The following CC2D2A variants were observed in gnomAD, a reference collection of about 807,000 sequenced individuals.
CC2D2A encodes coiled-coil and C2 domain containing 2A.
Under a neutral mutation model 212.9 loss-of-function variants are expected in CC2D2A, and 155 were observed. That is an observed-to-expected ratio of 0.73 (90% confidence interval 0.64 to 0.83). CC2D2A has a LOEUF of 0.83. CC2D2A is among the 40% of genes least tolerant of loss of function. The probability of loss-of-function intolerance (pLI) is 0.00; values close to 1 mark genes in which losing one functional copy is unlikely to be tolerated. For synonymous variants in CC2D2A, 667 were observed against 686.5 expected (o/e 0.97, Z 0.44); for missense variants, 1,856 against 1,956.2 (o/e 0.95, Z 0.97).
At chr4:15,583,849 G>A (rs183730169) in intron 30 of CC2D2A, among the ~76,000 whole-genome samples, 1,756 of 152,092 alleles carry the variant, frequency 0.012, 19 homozygotes, top group Non-Finnish European at 0.019. Context: ...TACTCGGGAG[G>A]CTGAGGCAGG....
chr4:15,478,521 T>C (rs755715127), intron 2 of CC2D2A, among the ~76,000 whole-genome samples: 1 of 152,208 alleles, frequency 6.6e-6, no homozygotes, highest in Non-Finnish European at 1.5e-5. Context: ...GATGGTCCAA[T>C]ATGGATACGA....
rs1484788961 is a variant in CC2D2A, at chr4:15,502,935, C to T, written c.438+12C>T. ...AATTTGGCACAGAGGTGAGAAATAC[C>T]CTCTCTACTTTGTGATCAAAACCAG... On this transcript the variant is annotated intron_variant, in intron 6 of 36. Coordinates refer to ENST00000424120, the MANE Select transcript of CC2D2A (RefSeq NM_001378615.1). 2 of 1,573,248 alleles carry T rather than the reference C, an allele frequency of 1.3e-6. No individual in the cohort carries two copies. Among genetic ancestry groups the T allele is most frequent in the Non-Finnish European group, 1.7e-6 (2 of 1,157,140 alleles).
At chr4:15,479,249 C>T (rs1420735643) in intron 3 of CC2D2A, 2 of 1,537,210 alleles carry the variant, frequency 1.3e-6, no homozygotes, top group East Asian at 4.9e-5. Context: ...CCCGAGCCTG[C>T]TGGCAGATCC....
intron 13 of CC2D2A, among the ~76,000 whole-genome samples, chr4:15,531,712 T>G (rs1717857134): frequency 6.6e-6 from 1 of 152,188 alleles, no homozygotes; most frequent in African/African-American, 2.4e-5. Flanking sequence ...CTTCTTTAGC[T>G]CGTATGCAAA....
At chr4:15,514,618 T>A in intron 8 of CC2D2A, 89 bp from the exon 9 acceptor site, 1 of 990,318 alleles carries the variant, frequency 1.0e-6, no homozygotes, top group South Asian at 2.5e-5. Context: ...GTAGGAAATG[T>A]TAAGTTTCAT....
At chr4:15,588,568 A>G (rs1374196478) in intron 32 of CC2D2A, among the ~76,000 whole-genome samples, 3 of 152,256 alleles carry the variant, frequency 2.0e-5, no homozygotes, top group Admixed American at 6.5e-5. Context: ...AGAGGCCACA[A>G]GGCTCTAGGA....
At chr4:15,477,799 C>T (rs551557659) in intron 2 of CC2D2A, among the ~76,000 whole-genome samples, 18 of 152,262 alleles carry the variant, frequency 1.2e-4, no homozygotes, top group African/African-American at 3.6e-4. Context: ...TCTGTTATTG[C>T]GGTTCATGTC....
At chr4:15,552,155 C>T (rs781216315) in intron 18 of CC2D2A, among the ~76,000 whole-genome samples, 1 of 152,168 alleles carries the variant, frequency 6.6e-6, no homozygotes, top group Non-Finnish European at 1.5e-5. Flanking sequence ...AGCGTTTTTA[C>T]CATTAAATTC....
chr4:15,572,302 G>GATTC (rs1027498216), intron 28 of CC2D2A, among the ~76,000 whole-genome samples: 53 of 152,288 alleles, frequency 3.5e-4, no homozygotes, highest in African/African-American at 1.3e-3. Flanking sequence ...ATAGAGGTGG[G>GATTC]ATTCAACTTG....
intron 19 of CC2D2A, 129 bp from the exon 20 acceptor site, chr4:15,554,943 C>A: frequency 1.1e-6 from 1 of 896,808 alleles, no homozygotes. Context: ...CAAAATCCTT[C>A]CTTATGATAA....
Position 15,567,445 on chromosome 4 carries a change from A to C in CC2D2A, c.3251A>C (p.Tyr1084Ser). The C allele has an allele frequency of 6.2e-7, 1 of 1,613,680 alleles. No individual in the cohort carries two copies. Among genetic ancestry groups the C allele is most frequent in the African/African-American group, 1.3e-5 (1 of 75,036 alleles). ...AAGCATGCTGCTTCCCCAAGCACGTACAGCCCAACCCACAATGCTGACTAC... is the reference window on the plus strand; with the variant it reads ...AAGCATGCTGCTTCCCCAAGCACGTCCAGCCCAACCCACAATGCTGACTAC... Reference protein sequence around the residue: ...SEKHAASPSTYSPTHNADYPL... With the variant: ...SEKHAASPSTSSPTHNADYPL... Residue 1084 changes from tyrosine (Y) to serine (S), a missense_variant, in exon 25 of 37, where the codon TAC becomes TCC. Physicochemically the swap from Tyr to Ser is moderately radical, Grantham distance 144. Transcript: ENST00000424120.
chr4:15,518,125 T>C (rs1716990666), intron 11 of CC2D2A, among the ~76,000 whole-genome samples: 1 of 152,118 alleles, frequency 6.6e-6, no homozygotes, highest in African/African-American at 2.4e-5. Context: ...GTCCTCACAT[T>C]TCAAAACCAA....
intron 4 of CC2D2A, among the ~76,000 whole-genome samples, chr4:15,487,945 T>G (rs1406047012): frequency 7.9e-6 from 1 of 126,832 alleles, no homozygotes; most frequent in African/African-American, 3.2e-5. Context: ...AATTCTATAT[T>G]TTAACCCCGT....
chr4:15,470,689 CTATATATATATATATATA>C (rs199958992), intron 1 of CC2D2A, among the ~76,000 whole-genome samples: 2,409 of 50,138 alleles, frequency 0.048, 28 homozygotes, highest in East Asian at 0.11. Flanking sequence ...CTCTCTCTCT[CTATATATATATATATATA>C]TATATATATA....
intron 4 of CC2D2A, among the ~76,000 whole-genome samples, chr4:15,498,122 C>A (rs1364598256): frequency 6.6e-6 from 1 of 152,062 alleles, no homozygotes; most frequent in Non-Finnish European, 1.5e-5. Context: ...AGAGAGAGTG[C>A]AGAGAAGATC....
intron 28 of CC2D2A, among the ~76,000 whole-genome samples, chr4:15,570,897 A>G (rs1560188559): frequency 6.6e-6 from 1 of 152,168 alleles, no homozygotes; most frequent in Non-Finnish European, 1.5e-5. Flanking sequence ...CAGAAAAAAC[A>G]AAAACAAAAA....
At chr4:15,541,036 A>G (rs1718408463) in intron 17 of CC2D2A, 22 bp downstream of exon 17, 2 of 1,510,734 alleles carry the variant, frequency 1.3e-6, no homozygotes, top group African/African-American at 1.4e-5. Context: ...AATTATAGTT[A>G]CTGGCCGGGC....
intron 29 of CC2D2A, chr4:15,576,544 C>A: frequency 5.7e-6 from 1 of 174,270 alleles, no homozygotes. Flanking sequence ...TAAAGATTAT[C>A]TCTGTTACTA....
intron 29 of CC2D2A, 100 bp downstream of exon 29, chr4:15,574,426 C>A: frequency 1.2e-6 from 1 of 835,582 alleles, no homozygotes; most frequent in Non-Finnish European, 1.8e-6. Context: ...ACAAACAGAG[C>A]CTTCCTTACT....
Sources: gnomAD v4.1 joint callset for allele counts (sites outside exome capture counted in the v4.1 genomes callset) on GRCh38, gnomAD v4.1.1 for gene constraint, MANE v1.5 for transcripts, NCBI Gene and HGNC (gene_info 2026-07-23, HGNC 2026-07-21) for gene names.